PTER: variants seen among roughly 807,000 people sequenced by gnomAD.
The protein encoded by PTER is phosphotriesterase related, also known as N-acetyltaurine hydrolase.
In PTER, 38 loss-of-function variants were observed where a neutral mutation model predicts 29.6. That is an observed-to-expected ratio of 1.28 (90% CI 0.99 to 1.68). The LOEUF is 1.68. Among genes scored for constraint, PTER ranks in the 40% most tolerant of loss-of-function variants. PTER has a pLI of 0.00. For missense variants in PTER, 482 were observed against 427.8 expected, an observed-to-expected ratio of 1.13 and a Z score of -1.12; for synonymous variants, 172 against 154.5, an observed-to-expected ratio of 1.11 and a Z score of -0.84.
intron 3 of PTER, among the ~76,000 whole-genome samples, chr10:16,495,449 C>T (rs1333263100): frequency 6.6e-6 from 1 of 152,164 alleles, no homozygotes; most frequent in East Asian, 1.9e-4. Flanking sequence ...GGAGTATAGG[C>T]GTGAGCCACC....
intron 1 of PTER, among the ~76,000 whole-genome samples, chr10:16,450,109 T>G (rs1438437810): frequency 3.3e-5 from 5 of 152,194 alleles, no homozygotes; most frequent in African/African-American, 9.6e-5. Context: ...GATTTCTGCC[T>G]ATATAAGTCA....
At chr10:16,504,699 T>C (rs1836492236) in intron 3 of PTER, among the ~76,000 whole-genome samples, 2 of 152,166 alleles carry the variant, frequency 1.3e-5, no homozygotes, top group Admixed American at 6.6e-5. Context: ...CAAAATAGTG[T>C]GGGGGCATCT....
chr10:16,473,046 T>C (rs907944388), intron 1 of PTER, among the ~76,000 whole-genome samples: 1 of 151,986 alleles, frequency 6.6e-6, no homozygotes, highest in Non-Finnish European at 1.5e-5. Flanking sequence ...AAAAACTTTA[T>C]TGGAATTTTA....
In PTER at chr10:16,513,214, A is replaced by G. The variant is rs1836878598; in HGVS notation, c.*1958A>G. ...ACCTAATACAATTAATTTTCTGGAT[A>G]ACTCTTAAAGAGAAGTCATTTTAAC... On this transcript the variant is annotated 3_prime_UTR_variant, in exon 5 of 5. Transcript: ENST00000535784. 6.6e-6 allele frequency: 1 copy of G among 152,470 alleles called. No homozygotes were observed. The highest frequency in any genetic ancestry group is 1.9e-4 in the East Asian group (1 of 5,182). 9.4% of individuals were successfully genotyped at this position (152,470 alleles called of 1,614,324 possible). A position where few individuals can be genotyped will look rare whatever the true frequency, so the allele number is the denominator to read the frequency against.
Position 16,486,484 on chromosome 10 carries a change from C to G in PTER, c.565C>G (p.His189Asp). 6.2e-7 allele frequency: 1 copy of G among 1,614,072 alleles called. No homozygotes were observed. The highest frequency in any genetic ancestry group is 8.5e-7 in the Non-Finnish European group (1 of 1,179,976). Residue 189 changes from histidine to aspartate, a missense_variant, in exon 3 of 5, where the codon CAT becomes GAT. Transcript: ENST00000535784. ...SERKVLQATA[H>D]AQAQLGCPVI... ...AAGAAAGGTTCTCCAGGCCACAGCTCATGCCCAGGCTCAGCTTGGTTGTCC... is the reference window on the plus strand; with the variant it reads ...AAGAAAGGTTCTCCAGGCCACAGCTGATGCCCAGGCTCAGCTTGGTTGTCC...
At position 16,511,368 on chromosome 10, in the gene PTER, T is replaced by A; in HGVS notation, c.*112T>A. ...TTACCTAGGACTAATGACAGATCAT[T>A]TCCTTCTGATGAGAACTAGGAGGGT... On this transcript the variant is annotated 3_prime_UTR_variant, in exon 5 of 5. Transcript: ENST00000535784. 1 of 982,222 alleles carries A rather than the reference T, an allele frequency of 1.0e-6. No homozygotes were observed. The highest frequency in any genetic ancestry group is 1.6e-6 in the Non-Finnish European group (1 of 641,856). 60.8% of individuals were successfully genotyped at this position (982,222 alleles called of 1,614,324 possible).
chr10:16,459,984 G>C (rs1303612585), intron 1 of PTER, among the ~76,000 whole-genome samples: 1 of 152,098 alleles, frequency 6.6e-6, no homozygotes, highest in African/African-American at 2.4e-5. Flanking sequence ...CCGACCTCAG[G>C]TGATCTGCCC....
intron 3 of PTER, among the ~76,000 whole-genome samples, chr10:16,493,608 T>G (rs1449541205): frequency 6.6e-6 from 1 of 151,936 alleles, no homozygotes; most frequent in Non-Finnish European, 1.5e-5. Context: ...ATGCAAAATT[T>G]CCCCACCCCT....
intron 3 of PTER, among the ~76,000 whole-genome samples, chr10:16,493,045 TG>T (rs1835957932): frequency 1.3e-5 from 2 of 152,184 alleles, no homozygotes; most frequent in Non-Finnish European, 2.9e-5. Context: ...CACAAATACT[TG>T]CATGTCTAAT....
intron 1 of PTER, among the ~76,000 whole-genome samples, chr10:16,480,193 A>AT (rs60746148): frequency 0.19 from 26,258 of 136,922 alleles, 4,543 homozygotes; most frequent in African/African-American, 0.46. Context: ...TGACTATAGC[A>AT]TTTTTTTTTT....
At chr10:16,488,299 T>C (rs1835776618) in intron 3 of PTER, among the ~76,000 whole-genome samples, 1 of 151,914 alleles carries the variant, frequency 6.6e-6, no homozygotes, top group Non-Finnish European at 1.5e-5. Flanking sequence ...TGGTGTAACA[T>C]CTTGGACAGC....
rs764029886 is a variant in PTER, at chr10:16,486,524, C to G, written c.605C>G (p.Pro202Arg). ...AQLGCPVIIH[P>R]GRSSRAPFQI... ...CTTGGTTGTCCTGTTATTATCCATC[C>G]TGGACGGAGCTCCAGGGCACCATTT... is the stretch of plus-strand genomic sequence containing the variant. The change falls in exon 3 of 5, where the codon CCT (proline) becomes CGT (arginine). Residue 202 changes from proline (P) to arginine (R), a missense_variant. Physicochemically the swap from Pro to Arg is moderately radical, Grantham distance 103. Transcript: ENST00000535784. 1 of 1,613,928 alleles carries G rather than the reference C, an allele frequency of 6.2e-7. No individual in the cohort carries two copies. The highest frequency in any genetic ancestry group is 2.2e-5 in the East Asian group (1 of 44,880).
chr10:16,470,246 TAA>T (rs1564394286), intron 1 of PTER, among the ~76,000 whole-genome samples: 1 of 152,184 alleles, frequency 6.6e-6, no homozygotes, highest in Non-Finnish European at 1.5e-5. Flanking sequence ...ATAAGAGATG[TAA>T]AGTGCTTTAA....
chr10:16,493,283 A>G (rs1301195662), intron 3 of PTER, among the ~76,000 whole-genome samples: 3 of 152,236 alleles, frequency 2.0e-5, no homozygotes, highest in African/African-American at 7.2e-5. Flanking sequence ...ATGTTTGACA[A>G]ACTGAAACTG....
chr10:16,512,756 G>A lies in PTER; in HGVS notation c.*1500G>A, dbSNP rs1169409220. The A allele has an allele frequency of 6.6e-6, 1 of 152,262 alleles. No homozygotes were observed. Among genetic ancestry groups the A allele is most frequent in the Non-Finnish European group, 1.5e-5 (1 of 67,916 alleles). The allele number at this position is 152,262 out of a possible 1,614,324, so 9.4% of individuals were successfully genotyped here. On this transcript the variant is annotated 3_prime_UTR_variant, in exon 5 of 5. Transcript: ENST00000535784. ...AATGCAAATGTCCTTCACCAGTAAA[G>A]CAAGCAAATTTTTAAAATCTCTGTT...
At chr10:16,463,769 G>A (rs928686936) in intron 1 of PTER, among the ~76,000 whole-genome samples, 3 of 152,112 alleles carry the variant, frequency 2.0e-5, no homozygotes, top group Admixed American at 6.5e-5. Context: ...AGTGTTGGTC[G>A]ACGCCCAAAG....
chr10:16,518,335 C>T (rs1836985308), downstream of PTER, among the ~76,000 whole-genome samples: 1 of 152,100 alleles, frequency 6.6e-6, no homozygotes, highest in Non-Finnish European at 1.5e-5. Flanking sequence ...ATGTTTACCA[C>T]TATAGATTTA....
At chr10:16,514,373 G>A (rs1381708123), downstream of PTER, 3 of 622,108 alleles carry the variant, frequency 4.8e-6, no homozygotes, top group East Asian at 8.1e-5. Flanking sequence ...ATGTTTCTGA[G>A]TGATACAGAT....
intron 1 of PTER, among the ~76,000 whole-genome samples, chr10:16,472,481 C>T (rs1835089384): frequency 6.6e-6 from 1 of 152,094 alleles, no homozygotes; most frequent in Non-Finnish European, 1.5e-5. Flanking sequence ...TGGGAGTTCC[C>T]CTGTGCAAGC....
Sources: allele counts gnomAD v4.1 joint callset (sites outside exome capture counted in the v4.1 genomes callset), GRCh38; gene constraint gnomAD v4.1.1; transcripts MANE v1.5; gene names NCBI Gene and HGNC (gene_info 2026-07-23, HGNC 2026-07-21).